Variants in MVB12B observed in about 807,000 individuals in gnomAD.
MVB12B encodes multivesicular body subunit 12B.
MVB12B carries 16 observed loss-of-function variants against 41.6 expected under a neutral mutation model. That is an observed-to-expected ratio of 0.38 (90% CI 0.26 to 0.58). The LOEUF is 0.58. Ranked by LOEUF, MVB12B falls within the 20% of genes least tolerant of loss-of-function variation. The pLI, the probability that MVB12B is intolerant of heterozygous loss-of-function variation, is 0.62. For missense variants in MVB12B, 274 were observed against 380.2 expected (o/e 0.72, Z 2.32); for synonymous variants, 133 against 139.7 (o/e 0.95, Z 0.34).
chr9:126,381,127 G>A lies in MVB12B; in HGVS notation c.268G>A (p.Val90Ile), dbSNP rs746817932. 3.1e-6 allele frequency: 5 copies of A among 1,614,110 alleles called. No individual in the cohort carries two copies. In the Admixed American group the frequency reaches 6.7e-5, roughly 22 times the overall value. The stretch of plus-strand genomic sequence containing the variant: ...GAAAGACGGCTTATTTAAATCCAAG[G>A]TTACCAGATACCTGTGTTTCACAAG... ...LWKDGLFKSK[V>I]TRYLCFTRSF... Residue 90 changes from valine to isoleucine, a missense_variant, in exon 3 of 10, where the codon GTT (valine) becomes ATT (isoleucine). Val to Ile is a conservative substitution (Grantham distance 29). Transcript: ENST00000361171.
intron 7 of MVB12B, among the ~76,000 whole-genome samples, chr9:126,434,417 C>G (rs1460041665): frequency 3.9e-5 from 6 of 152,154 alleles, no homozygotes; most frequent in African/African-American, 1.4e-4. Context: ...AGAGCAGTTT[C>G]TTACGCCTGA....
chr9:126,343,643 T>C (rs1829509037), intron 2 of MVB12B, among the ~76,000 whole-genome samples: 1 of 152,224 alleles, frequency 6.6e-6, no homozygotes, highest in Non-Finnish European at 1.5e-5. Context: ...TGGCCAAGCA[T>C]GGTGGCTCAT....
chr9:126,439,595 C>T (rs1006305964), intron 7 of MVB12B, among the ~76,000 whole-genome samples: 1 of 152,224 alleles, frequency 6.6e-6, no homozygotes. Flanking sequence ...GAGCCTAGAG[C>T]ACGCTCACAC....
intron 2 of MVB12B, 81 bp from the exon 3 acceptor site, chr9:126,380,983 G>A: frequency 1.0e-6 from 1 of 992,672 alleles, no homozygotes; most frequent in Non-Finnish European, 1.6e-6. Context: ...AATTGGAACA[G>A]GCGTGGAAGA....
chr9:126,422,570 G>A (rs1331695010), intron 7 of MVB12B, among the ~76,000 whole-genome samples: 1 of 152,192 alleles, frequency 6.6e-6, no homozygotes, highest in East Asian at 1.9e-4. Context: ...GACTTGCTAA[G>A]AGCCGAGGAA....
chr9:126,496,147 C>T (rs1162183120), intron 9 of MVB12B, among the ~76,000 whole-genome samples: 1 of 151,884 alleles, frequency 6.6e-6, no homozygotes, highest in Admixed American at 6.6e-5. Context: ...GAGCTATGCC[C>T]AGAGCCTGAT....
chr9:126,501,787 G>A (rs1833964154), intron 9 of MVB12B, among the ~76,000 whole-genome samples: 1 of 152,206 alleles, frequency 6.6e-6, no homozygotes, highest in South Asian at 2.1e-4. Flanking sequence ...TCGCTCATCA[G>A]GGCCCTTGGG....
Position 126,384,818 on chromosome 9 carries a change from C to T in MVB12B, c.313-1744C>T, listed in dbSNP as rs1442026446. Among the ~76,000 whole-genome samples the T allele has an allele frequency of 4.0e-5, 6 of 149,608 alleles. No individual in the cohort carries two copies. The East Asian group carries it at 1.2e-3, about 30-fold the overall frequency. On this transcript the variant is annotated intron_variant, in intron 3 of 9. Coordinates refer to ENST00000361171, the MANE Select transcript of MVB12B (RefSeq NM_033446.3). ...AAAGTGCTTGGATTACAGGCATGAG[C>T]CACCATGCCTGGCAGATTTTTTTTT...
intron 2 of MVB12B, among the ~76,000 whole-genome samples, chr9:126,350,666 C>G (rs974709966): frequency 1.3e-5 from 2 of 152,112 alleles, no homozygotes; most frequent in African/African-American, 4.8e-5. Flanking sequence ...ATAAAGCCAC[C>G]AGTTCTGCTC....
intron 8 of MVB12B, 47 bp downstream of exon 8, chr9:126,481,471 T>TGA (rs771477191): frequency 1.4e-6 from 2 of 1,391,298 alleles, no homozygotes; most frequent in Admixed American, 3.4e-5. Context: ...CCCCCCAGCC[T>TGA]GAGGTCCCTC....
At position 126,421,954 on chromosome 9, in the gene MVB12B, T is replaced by C; in HGVS notation, c.757+6T>C. On this transcript the variant is annotated splice_donor_region_variant and intron_variant, in intron 7 of 9. Coordinates refer to ENST00000361171, the MANE Select transcript of MVB12B (RefSeq NM_033446.3). ...CAATTTGTATGCCATATCAGGTATG[T>C]GGAGCCACCGCTGCAGGCCAGCTAC... 1 of 1,607,064 alleles carries C rather than the reference T, an allele frequency of 6.2e-7. No individual in the cohort carries two copies. The highest frequency in any genetic ancestry group is 1.1e-5 in the South Asian group (1 of 90,962).
intron 7 of MVB12B, among the ~76,000 whole-genome samples, chr9:126,442,452 G>C (rs1287113176): frequency 7.2e-5 from 11 of 152,206 alleles, no homozygotes; most frequent in African/African-American, 2.7e-4. Flanking sequence ...TGGGACTAAA[G>C]TCAGTGTATT....
At chr9:126,449,259 T>A (rs1293933219) in intron 7 of MVB12B, among the ~76,000 whole-genome samples, 1 of 151,976 alleles carries the variant, frequency 6.6e-6, no homozygotes, top group Non-Finnish European at 1.5e-5. Flanking sequence ...CTGCCACCGG[T>A]ACAAATACAA....
intron 7 of MVB12B, among the ~76,000 whole-genome samples, chr9:126,463,803 G>A (rs1335027712): frequency 6.6e-6 from 1 of 152,168 alleles, no homozygotes; most frequent in Non-Finnish European, 1.5e-5. Context: ...GGTACCAAGT[G>A]TCATATTTTA....
intron 7 of MVB12B, among the ~76,000 whole-genome samples, chr9:126,460,483 T>C (rs936648510): frequency 2.0e-5 from 3 of 152,216 alleles, no homozygotes; most frequent in Admixed American, 2.0e-4. Context: ...GCTCTGCTTC[T>C]GCTGCACTTC....
At chr9:126,377,854 C>T (rs1051606533) in intron 2 of MVB12B, among the ~76,000 whole-genome samples, 3 of 152,246 alleles carry the variant, frequency 2.0e-5, no homozygotes, top group Admixed American at 2.0e-4. Context: ...CCTGACATCA[C>T]TTTCCAGACT....
chr9:126,495,293 C>T (rs1409327603), intron 9 of MVB12B, among the ~76,000 whole-genome samples: 1 of 152,052 alleles, frequency 6.6e-6, no homozygotes. Context: ...CCAGAGCCTC[C>T]ACCCAGAGCA....
rs1242882596 is a variant in MVB12B, at chr9:126,459,865, G to A, written c.758-21504G>A. Among the ~76,000 whole-genome samples the A allele has an allele frequency of 6.6e-6, 1 of 152,178 alleles. No individual in the cohort carries two copies. The highest frequency in any genetic ancestry group is 1.9e-4 in the East Asian group (1 of 5,194). ...GCCCACCCATCTCGAGGGAGAGAAA[G>A]GGCTCCGGGGCTCAGTAATGGTTTT... is the stretch of plus-strand genomic sequence containing the variant. On this transcript the variant is annotated intron_variant, in intron 7 of 9. Transcript: ENST00000361171. This position sits in a 1 kb window ranked among gnomAD's most constrained non-coding sequence, Gnocchi z 4.3.
intron 2 of MVB12B, among the ~76,000 whole-genome samples, chr9:126,371,474 C>T (rs1218962361): frequency 6.6e-6 from 1 of 152,248 alleles, no homozygotes; most frequent in Non-Finnish European, 1.5e-5. Context: ...ATCCCTTCAC[C>T]TCTACAAGGG....
Sources: allele counts gnomAD v4.1 joint callset (sites outside exome capture counted in the v4.1 genomes callset), GRCh38; gene constraint gnomAD v4.1.1; non-coding constraint Gnocchi (gnomAD v3.1); transcripts MANE v1.5; gene names NCBI Gene and HGNC (gene_info 2026-07-23, HGNC 2026-07-21).